The following FAM47E variants were observed in gnomAD, a reference collection of about 807,000 sequenced individuals.
FAM47E encodes protein FAM47E.
Under a neutral mutation model 41.6 loss-of-function variants are expected in FAM47E, and 32 were observed. The ratio of observed to expected loss-of-function variants is 0.77; its 90% CI spans 0.58 to 1.03. The LOEUF is 1.03. Among genes scored for constraint, FAM47E ranks in the 50% least tolerant of loss-of-function variants. The pLI is 0.00. For synonymous variants in FAM47E, 184 were observed against 188.7 expected (o/e 0.98, Z 0.20); for missense variants, 424 against 485.4 (o/e 0.87, Z 1.19).
chr4:76,247,910 C>CTTTTTT (rs753751295), upstream of FAM47E, among the ~76,000 whole-genome samples: 2,245 of 86,774 alleles, frequency 0.026, 77 homozygotes, highest in Non-Finnish European at 0.036. Flanking sequence ...CACTCTCTCT[C>CTTTTTT]TTTTTTTTTT....
chr4:76,221,567 G>A (rs1301312457), intron 2 of FAM47E, among the ~76,000 whole-genome samples: 4 of 152,192 alleles, frequency 2.6e-5, no homozygotes, highest in Non-Finnish European at 4.4e-5. Flanking sequence ...TGATCCATCC[G>A]CCTTGGCTTT....
At chr4:76,215,324 T>G (rs1398103297) in intron 1 of FAM47E, among the ~76,000 whole-genome samples, 1 of 152,066 alleles carries the variant, frequency 6.6e-6, no homozygotes, top group Non-Finnish European at 1.5e-5. Flanking sequence ...GGTTGCTGAG[T>G]GGTGGATCCT....
rs1475526698 is a variant in FAM47E, at chr4:76,271,847, G to A, written c.870+79G>A. The A allele has an allele frequency of 6.3e-6, 9 of 1,431,290 alleles. No individual in the cohort carries two copies. The African/African-American group carries it at 1.2e-4, about 18-fold the overall frequency. The allele number at this position is 1,431,290 out of a possible 1,614,324, so 88.7% of individuals were successfully genotyped here. A position where few individuals can be genotyped will look rare whatever the true frequency, so the allele number is the denominator to read the frequency against. On this transcript the variant is annotated intron_variant, in intron 5 of 7. Transcript: ENST00000424749. Reference sequence around the variant, plus strand: ...AGTCTTAAAGTTCTTGAATTCTGATGTGTCATGGGTACTGGTTTTTTAAAG... The same window carrying A: ...AGTCTTAAAGTTCTTGAATTCTGATATGTCATGGGTACTGGTTTTTTAAAG...
chr4:76,246,323 A>C (rs559198306), intron 2 of FAM47E, among the ~76,000 whole-genome samples: 5 of 152,268 alleles, frequency 3.3e-5, no homozygotes, highest in Middle Eastern at 3.4e-3. Context: ...CTGGCTGGCC[A>C]TCTTCCTGAT....
At chr4:76,248,796 G>GTC (rs35402896), upstream of FAM47E, among the ~76,000 whole-genome samples, 325 of 148,028 alleles carry the variant, frequency 2.2e-3, no homozygotes, top group Non-Finnish European at 1.9e-3. Context: ...GAATCTCTCA[G>GTC]TCTCTCTCTC....
At chr4:76,238,321 C>A (rs1323104924) in intron 2 of FAM47E, among the ~76,000 whole-genome samples, 5 of 152,192 alleles carry the variant, frequency 3.3e-5, no homozygotes, top group Non-Finnish European at 5.9e-5. Flanking sequence ...TTCTCTACCT[C>A]CGCTTCCCTG....
At chr4:76,251,955 A>G (rs1733983704) in intron 1 of FAM47E, 135 bp downstream of exon 1, 2 of 1,155,942 alleles carry the variant, frequency 1.7e-6, no homozygotes, top group Non-Finnish European at 2.2e-6. Flanking sequence ...TCCTGTACGT[A>G]CAACATAATA....
chr4:76,233,586 GCA>G (rs34421184), intron 2 of FAM47E, among the ~76,000 whole-genome samples: 145,970 of 150,856 alleles, frequency 0.97, 70,793 homozygotes, highest in East Asian at 1. Context: ...ACACACACAC[GCA>G]CACACACACA....
chr4:76,223,937 TGTGTGACACA>T (rs1321110902), intron 2 of FAM47E, among the ~76,000 whole-genome samples: 1 of 152,168 alleles, frequency 6.6e-6, no homozygotes, highest in East Asian at 1.9e-4. Context: ...CCCTGAGCGA[TGTGTGACACA>T]GTCATGCTGT....
chr4:76,227,946 G>A (rs4859430), intron 2 of FAM47E, among the ~76,000 whole-genome samples: 22,823 of 152,186 alleles, frequency 0.15, 2,046 homozygotes, highest in East Asian at 0.35. Flanking sequence ...GTCTCTTGAA[G>A]ACAGCAGATA....
upstream of FAM47E, among the ~76,000 whole-genome samples, chr4:76,247,839 G>A (rs372430563): frequency 1.3e-5 from 2 of 150,480 alleles, no homozygotes; most frequent in South Asian, 4.2e-4. Flanking sequence ...AATATATTAC[G>A]GATATTAAAC....
intron 7 of FAM47E, chr4:76,280,559 A>G: frequency 4.6e-6 from 2 of 438,214 alleles, no homozygotes; most frequent in Middle Eastern, 1.1e-3. Flanking sequence ...GGTTTCTGCT[A>G]CTATCAGAGA....
intron 1 of FAM47E, among the ~76,000 whole-genome samples, chr4:76,215,456 GC>G (rs1733188866): frequency 6.6e-6 from 1 of 152,200 alleles, no homozygotes. Flanking sequence ...CAGTTAGGAG[GC>G]TTTGTTGAGG....
chr4:76,242,017 G>A (rs1429302411), intron 2 of FAM47E, among the ~76,000 whole-genome samples: 2 of 152,104 alleles, frequency 1.3e-5, no homozygotes, highest in African/African-American at 4.8e-5. Context: ...AAAAGGACAA[G>A]AATAGCTGAA....
chr4:76,247,804 T>C (rs1733859249), upstream of FAM47E, among the ~76,000 whole-genome samples: 1 of 152,108 alleles, frequency 6.6e-6, no homozygotes, highest in African/African-American at 2.4e-5. Context: ...TTTGTCTTTT[T>C]GTCGTTGAGT....
At chr4:76,252,405 C>G (rs999284989) in intron 1 of FAM47E, among the ~76,000 whole-genome samples, 2 of 152,186 alleles carry the variant, frequency 1.3e-5, no homozygotes, top group African/African-American at 4.8e-5. Flanking sequence ...TGGAATTCGT[C>G]TGTCTTGGAG....
intron 2 of FAM47E, among the ~76,000 whole-genome samples, chr4:76,223,060 T>C (rs1317481039): frequency 3.9e-5 from 6 of 152,194 alleles, no homozygotes; most frequent in Non-Finnish European, 8.8e-5. Flanking sequence ...CATATTTTTG[T>C]TCAATATCAA....
intron 2 of FAM47E, among the ~76,000 whole-genome samples, chr4:76,231,982 C>T (rs1351436124): frequency 1.3e-5 from 2 of 152,268 alleles, no homozygotes; most frequent in East Asian, 3.9e-4. Flanking sequence ...CCAATTGTGT[C>T]CCGTTGCAAG....
intron 3 of FAM47E, among the ~76,000 whole-genome samples, chr4:76,266,877 A>C (rs1441018522): frequency 6.6e-6 from 1 of 152,168 alleles, no homozygotes; most frequent in Non-Finnish European, 1.5e-5. Flanking sequence ...CTCTTTGCAC[A>C]TGCCATTCTT....
Sources: gnomAD v4.1 joint callset for allele counts (sites outside exome capture counted in the v4.1 genomes callset) on GRCh38, gnomAD v4.1.1 for gene constraint, MANE v1.5 for transcripts, NCBI Gene and HGNC (gene_info 2026-07-23, HGNC 2026-07-21) for gene names.